ZNF417: variants seen among roughly 807,000 people sequenced by gnomAD.
ZNF417 encodes the protein zinc finger protein 417.
Under a neutral mutation model 7.4 loss-of-function variants are expected in ZNF417, and 5 were observed. That is an observed-to-expected ratio of 0.68 (90% CI 0.35 to 1.43). ZNF417 has a LOEUF of 1.43. Ranked by LOEUF, ZNF417 falls within the 40% of genes most tolerant of loss-of-function variation. ZNF417 has a pLI of 0.04. For missense variants in ZNF417, 437 were observed against 697.3 expected (o/e 0.63, Z 4.20); for synonymous variants, 147 against 239.1 (o/e 0.61, Z 3.55).
rs920069910 is a variant in ZNF417, at chr19:57,907,085, C to T, written c.*1465G>A. 1 of 151,870 alleles carries T rather than the reference C, an allele frequency of 6.6e-6. No individual in the cohort carries two copies. Among genetic ancestry groups the T allele is most frequent in the Non-Finnish European group, 1.5e-5 (1 of 67,984 alleles). The allele number at this position is 151,870 out of a possible 1,614,324, so 9.4% of individuals were successfully genotyped here. On this transcript the variant is annotated 3_prime_UTR_variant, in exon 3 of 3. Coordinates refer to ENST00000312026, the MANE Select transcript of ZNF417 (RefSeq NM_152475.3). ...TCCAGGGTGGTCTTGAACTCCTGAC[C>T]TTGTAAGCCACCCACCTCAGCCTCC...
At position 57,906,526 on chromosome 19, in the gene ZNF417, GC is replaced by G. The variant is rs1367223593; in HGVS notation, c.*2023del. On this transcript the variant is annotated 3_prime_UTR_variant, in exon 3 of 3. Transcript: ENST00000312026. ...GCCTGTAATCCCAGCACTTTAGGAGGCTGAGGGGGGTGGATCATGAGGTCAC... is the reference window on the plus strand; with the variant it reads ...GCCTGTAATCCCAGCACTTTAGGAGGTGAGGGGGGTGGATCATGAGGTCAC... Among the ~76,000 whole-genome samples, 1 of 151,928 alleles carries G rather than the reference GC, an allele frequency of 6.6e-6. No homozygotes were observed. Among genetic ancestry groups the G allele is most frequent in the Non-Finnish European group, 1.5e-5 (1 of 68,000 alleles).
At chr19:57,914,313 C>G (rs1204401020) in intron 1 of ZNF417, among the ~76,000 whole-genome samples, 2 of 151,624 alleles carry the variant, frequency 1.3e-5, no homozygotes, top group African/African-American at 4.8e-5. Flanking sequence ...TGATGAAACC[C>G]CGTTTCTACT....
At position 57,908,788 on chromosome 19, in the gene ZNF417, C is replaced by T. The variant is rs2071861835; in HGVS notation, c.1490G>A (p.Cys497Tyr). 2 of 1,612,740 alleles carry T rather than the reference C, an allele frequency of 1.2e-6. No individual in the cohort carries two copies. Among genetic ancestry groups the T allele is most frequent in the African/African-American group, 1.3e-5 (1 of 74,856 alleles). Residue 497 changes from cysteine (C) to tyrosine (Y), a missense_variant, in exon 3 of 3, where the codon TGT becomes TAT. Transcript: ENST00000312026. ...AGAGCTGGAAAGAAATGATTTCCCA[C>T]ATTCATTGCATTCATACGGCCTTTC... is the stretch of plus-strand genomic sequence containing the variant. ...TGERPYECNECGKSFLSSSAL... is the reference protein window; with the variant it reads ...TGERPYECNEYGKSFLSSSAL...
chr19:57,906,616 G>C lies in ZNF417; in HGVS notation c.*1934C>G, dbSNP rs1215555572. 1.7e-4 allele frequency among the ~76,000 whole-genome samples: 25 copies of C among 150,106 alleles called. No homozygotes were observed. The highest frequency in any genetic ancestry group is 5.3e-4 in the Admixed American group (8 of 15,004). ...TCTCTACTAAAAATACAAAAATTAG[G>C]TGGGCGTGGTGGAGGGAACCTATAG... On this transcript the variant is annotated 3_prime_UTR_variant, in exon 3 of 3. Transcript: ENST00000312026.
intron 2 of ZNF417, 67 bp from the exon 3 acceptor site, chr19:57,910,181 G>A: frequency 1.3e-6 from 2 of 1,539,272 alleles, no homozygotes; most frequent in Non-Finnish European, 1.7e-6. Flanking sequence ...CCACCCACAA[G>A]TACGTCTCAC....
chr19:57,915,491 G>A (rs1176947014), intron 1 of ZNF417: 2 of 496,018 alleles, frequency 4.0e-6, no homozygotes, highest in Admixed American at 5.2e-5. Context: ...CGCATCCCAC[G>A]GGTGTCAGAA....
intron 1 of ZNF417, among the ~76,000 whole-genome samples, chr19:57,913,157 T>A (rs1328612016): frequency 6.6e-6 from 1 of 151,928 alleles, no homozygotes; most frequent in African/African-American, 2.4e-5. Flanking sequence ...TTGTCCCACT[T>A]TCACAAGATG....
At position 57,913,790 on chromosome 19, in the gene ZNF417, A is replaced by C. The variant is rs531490213; in HGVS notation, c.34-1601T>G. 5.9e-5 allele frequency among the ~76,000 whole-genome samples: 9 copies of C among 152,210 alleles called. No individual in the cohort carries two copies. In the South Asian group the frequency reaches 1.9e-3, roughly 32 times the overall value. ...TCAGGTGTTTAGGAAGCCCAATAACATCACTCAGGGACGTAAGTAAGAGAT... is the reference window on the plus strand; with the variant it reads ...TCAGGTGTTTAGGAAGCCCAATAACCTCACTCAGGGACGTAAGTAAGAGAT... On this transcript the variant is annotated intron_variant, in intron 1 of 2. Transcript: ENST00000312026.
At chr19:57,915,587 C>A in intron 1 of ZNF417, 1 of 388,674 alleles carries the variant, frequency 2.6e-6, no homozygotes, top group South Asian at 4.0e-5. Context: ...GTCTTGCTTC[C>A]AACCTTTCAG....
In ZNF417 at chr19:57,909,895, T is replaced by C. The variant is rs1322848059; in HGVS notation, c.383A>G (p.Asn128Ser). ...ATGAAGGTATGCAGTGTCATCCAAGTTTTTTCCACATGCTCCACTCCTGTT... is the reference window on the plus strand; with the variant it reads ...ATGAAGGTATGCAGTGTCATCCAAGCTTTTTCCACATGCTCCACTCCTGTT... ...KLNRSGACGK[N>S]LDDTAYLHQH... Residue 128 changes from asparagine to serine, a missense_variant, in exon 3 of 3, where the codon AAC (asparagine) becomes AGC (serine). By Grantham distance (46) the Asn-to-Ser change is conservative. Transcript: ENST00000312026. 7 of 1,558,984 alleles carry C rather than the reference T, an allele frequency of 4.5e-6. No individual in the cohort carries two copies.
rs920186190 is a variant in ZNF417, at chr19:57,907,312, C to G, written c.*1238G>C. The G allele has an allele frequency of 1.2e-4, 19 of 152,400 alleles. No homozygotes were observed. Among genetic ancestry groups the G allele is most frequent in the African/African-American group, 4.1e-4 (17 of 41,406 alleles). The allele number at this position is 152,400 out of a possible 1,614,324, so 9.4% of individuals were successfully genotyped here. ...GATATTCCATTTGCAAATTATGCTC[C>G]CCAAAAAACACAAACACATATGTAA... On this transcript the variant is annotated 3_prime_UTR_variant, in exon 3 of 3. Transcript: ENST00000312026.
In ZNF417 at chr19:57,908,282, T is replaced by C; in HGVS notation, c.*268A>G. 1.9e-6 allele frequency: 1 copy of C among 538,276 alleles called. No homozygotes were observed. The highest frequency in any genetic ancestry group is 3.3e-6 in the Non-Finnish European group (1 of 304,878). 33.3% of individuals were successfully genotyped at this position (538,276 alleles called of 1,614,324 possible). A position where few individuals can be genotyped will look rare whatever the true frequency, so the allele number is the denominator to read the frequency against. ...GGCCGGGCATGGTGTGGTGTACTCG[T>C]AATCTCAGCTCCTTGGGAGGCTGAG... is the stretch of plus-strand genomic sequence containing the variant. On this transcript the variant is annotated 3_prime_UTR_variant, in exon 3 of 3. Coordinates refer to ENST00000312026, the MANE Select transcript of ZNF417 (RefSeq NM_152475.3).
At position 57,907,005 on chromosome 19, in the gene ZNF417, C is replaced by G. The variant is rs2071837480; in HGVS notation, c.*1545G>C. The stretch of plus-strand genomic sequence containing the variant: ...AGCAGCTGGGACTACAGGCACCCAC[C>G]ACTATGCTTGGGTAATTTTTGTATT... On this transcript the variant is annotated 3_prime_UTR_variant, in exon 3 of 3. Transcript: ENST00000312026. 6.6e-6 allele frequency: 1 copy of G among 151,408 alleles called. No individual in the cohort carries two copies. The highest frequency in any genetic ancestry group is 1.5e-5 in the Non-Finnish European group (1 of 67,928). The allele number at this position is 151,408 out of a possible 1,614,324, so 9.4% of individuals were successfully genotyped here. A position where few individuals can be genotyped will look rare whatever the true frequency, so the allele number is the denominator to read the frequency against.
chr19:57,911,293 G>C (rs2071897134), intron 2 of ZNF417, among the ~76,000 whole-genome samples: 1 of 152,102 alleles, frequency 6.6e-6, no homozygotes, highest in African/African-American at 2.4e-5. Context: ...CTCAACAATG[G>C]GGAGAAAAAG....
At chr19:57,914,211 CG>C (rs2071923950) in intron 1 of ZNF417, among the ~76,000 whole-genome samples, 1 of 151,960 alleles carries the variant, frequency 6.6e-6, no homozygotes, top group African/African-American at 2.4e-5. Context: ...GTCTGTCAGG[CG>C]TGATGGCTCA....
At chr19:57,914,283 C>G (rs552330516) in intron 1 of ZNF417, among the ~76,000 whole-genome samples, 1 of 151,670 alleles carries the variant, frequency 6.6e-6, no homozygotes, top group Admixed American at 6.6e-5. Flanking sequence ...GTCAGGAGTT[C>G]GAGACCAGTC....
chr19:57,916,558 G>T lies in ZNF417; in HGVS notation c.-147C>A, dbSNP rs939884887. 6.6e-7 allele frequency: 1 copy of T among 1,504,502 alleles called. No homozygotes were observed. The highest frequency in any genetic ancestry group is 8.9e-7 in the Non-Finnish European group (1 of 1,128,434). 93.2% of individuals were successfully genotyped at this position (1,504,502 alleles called of 1,614,324 possible). Reference sequence around the variant, plus strand: ...CCAGCACTCAGGGGCCACAAACTGGGGAAACACCCGCGTCACCGATACACA... The same window carrying T: ...CCAGCACTCAGGGGCCACAAACTGGTGAAACACCCGCGTCACCGATACACA... On this transcript the variant is annotated 5_prime_UTR_variant, in exon 1 of 3. Transcript: ENST00000312026.
At position 57,906,061 on chromosome 19, in the gene ZNF417, G is replaced by A. The variant is rs2071823811; in HGVS notation, c.*2489C>T. On this transcript the variant is annotated 3_prime_UTR_variant, in exon 3 of 3. Coordinates refer to ENST00000312026, the MANE Select transcript of ZNF417 (RefSeq NM_152475.3). ...GCTGATTGCAACCTCCATTTCCGAG[G>A]AAGGCTCCTTAATTTCCCAATTATA... is the stretch of plus-strand genomic sequence containing the variant. 1.3e-5 allele frequency among the ~76,000 whole-genome samples: 2 copies of A among 152,098 alleles called. No homozygotes were observed. The highest frequency in any genetic ancestry group is 4.8e-5 in the African/African-American group (2 of 41,424).
chr19:57,908,134 G>A lies in ZNF417; in HGVS notation c.*416C>T, dbSNP rs1355996777. ...AGATGTTGAATAGAAAGCAAGCTAC[G>A]GTGACATCTTAACTGTTTCACTGCC... On this transcript the variant is annotated 3_prime_UTR_variant, in exon 3 of 3. Transcript: ENST00000312026. 2.6e-5 allele frequency: 5 copies of A among 195,688 alleles called. No individual in the cohort carries two copies. Among genetic ancestry groups the A allele is most frequent in the Non-Finnish European group, 3.2e-5 (3 of 94,212 alleles). The allele number at this position is 195,688 out of a possible 1,614,324, so 12.1% of individuals were successfully genotyped here. A position where few individuals can be genotyped will look rare whatever the true frequency, so the allele number is the denominator to read the frequency against.
Sources: allele counts gnomAD v4.1 joint callset (sites outside exome capture counted in the v4.1 genomes callset), GRCh38; gene constraint gnomAD v4.1.1; transcripts MANE v1.5; gene names NCBI Gene and HGNC (gene_info 2026-07-23, HGNC 2026-07-21).